Variants in CENPN observed in about 807,000 individuals in gnomAD.
The protein encoded by CENPN is centromere protein N.
A neutral mutation model predicts 48.6 loss-of-function variants in CENPN; 36 were observed. The observed-to-expected ratio is 0.74, with a 90% CI of 0.57 to 0.98. The LOEUF (loss-of-function observed/expected upper bound fraction) is 0.98. Among genes scored for constraint, CENPN ranks in the 50% least tolerant of loss-of-function variants. The pLI, the probability that CENPN is intolerant of heterozygous loss-of-function variation, is 0.00. For synonymous variants in CENPN, 166 were observed against 135.2 expected (o/e 1.23, Z -1.58); for missense variants, 439 against 399.2 (o/e 1.10, Z -0.85).
intron 6 of CENPN, 100 bp downstream of exon 6, chr16:81,020,376 G>A (rs1175764804): frequency 1.7e-6 from 2 of 1,208,142 alleles, no homozygotes; most frequent in Non-Finnish European, 2.2e-6. Context: ...GAGAATACTA[G>A]GCCAGGTGCA....
chr16:81,011,882 T>C lies in CENPN; in HGVS notation c.-10-48T>C, dbSNP rs932494315. The C allele has an allele frequency of 7.7e-6, 11 of 1,435,806 alleles. No individual in the cohort carries two copies. The African/African-American group carries it at 9.9e-5, about 13-fold the overall frequency. 88.9% of individuals were successfully genotyped at this position (1,435,806 alleles called of 1,614,324 possible). On this transcript the variant is annotated intron_variant, in intron 1 of 10. Coordinates refer to ENST00000305850, the MANE Select transcript of CENPN (RefSeq NM_001100624.3). ...GTATGTGTAAATAAAGACAGACAAG[T>C]ATTGTATTTGGTTAATACTTTGTTG...
chr16:81,010,900 C>T (rs1969714796), intron 1 of CENPN, among the ~76,000 whole-genome samples: 1 of 152,212 alleles, frequency 6.6e-6, no homozygotes, highest in Non-Finnish European at 1.5e-5. Flanking sequence ...CACTAACCTC[C>T]AACCTCTGCC....
chr16:81,015,003 A>G (rs191267622), intron 3 of CENPN, among the ~76,000 whole-genome samples: 98 of 152,368 alleles, frequency 6.4e-4, no homozygotes, highest in South Asian at 1.2e-3. Flanking sequence ...GAGCACACAT[A>G]AGGTAGGCTG....
chr16:81,017,227 C>T, intron 3 of CENPN, 99 bp from the exon 4 acceptor site: 1 of 778,308 alleles, frequency 1.3e-6, no homozygotes, highest in East Asian at 2.6e-5. Context: ...TTGTGAATTA[C>T]TGTTACTTTC....
intron 1 of CENPN, among the ~76,000 whole-genome samples, chr16:81,008,213 T>C (rs1452735599): frequency 2.0e-5 from 3 of 152,200 alleles, no homozygotes; most frequent in African/African-American, 4.8e-5. Flanking sequence ...CAAATTTCTT[T>C]AGACTGGCGT....
Position 81,028,824 on chromosome 16 carries a change from T to C in CENPN, c.*173T>C, listed in dbSNP as rs1264378683. On this transcript the variant is annotated 3_prime_UTR_variant, in exon 11 of 11. Coordinates refer to ENST00000305850, the MANE Select transcript of CENPN (RefSeq NM_001100624.3). ...GGGACTGATTCATTCCTCCACGATA[T>C]GCCTCCTCTCTCTGATATCCTGCTA... is the stretch of plus-strand genomic sequence containing the variant. 2.2e-5 allele frequency: 31 copies of C among 1,389,622 alleles called. No individual in the cohort carries two copies. Among genetic ancestry groups the C allele is most frequent in the Non-Finnish European group, 2.7e-5 (29 of 1,077,260 alleles). The allele number at this position is 1,389,622 out of a possible 1,614,324, so 86.1% of individuals were successfully genotyped here. A position where few individuals can be genotyped will look rare whatever the true frequency, so the allele number is the denominator to read the frequency against.
chr16:81,032,485 C>A, downstream of CENPN: 5 of 1,386,210 alleles, frequency 3.6e-6, no homozygotes, highest in East Asian at 2.5e-5. Context: ...CCCCTCCCCA[C>A]CAGGCACGTT....
intron 4 of CENPN, 135 bp downstream of exon 4, chr16:81,017,520 A>G (rs7197370): frequency 0.26 from 186,783 of 706,142 alleles, 27,425 homozygotes; most frequent in East Asian, 0.47. Context: ...CAAAAAAAAA[A>G]AATAGCAGTA....
intron 7 of CENPN, chr16:81,022,908 C>T (rs528209880): frequency 5.0e-6 from 8 of 1,588,822 alleles, no homozygotes; most frequent in South Asian, 2.3e-5. Context: ...TTATACCACT[C>T]ATTAGTCACT....
At chr16:81,026,911 C>T (rs1970525985) in intron 9 of CENPN, among the ~76,000 whole-genome samples, 1 of 152,142 alleles carries the variant, frequency 6.6e-6, no homozygotes, top group Non-Finnish European at 1.5e-5. Context: ...CTGCCTCAGC[C>T]TCCCGAGTAG....
At chr16:81,007,506 G>C (rs1969480260) in intron 1 of CENPN, 1 of 152,252 alleles carries the variant, frequency 6.6e-6, no homozygotes, top group Non-Finnish European at 1.5e-5. Flanking sequence ...GGGGCGGGTG[G>C]AGCCTTTCGT....
intron 7 of CENPN, chr16:81,023,328 G>T (rs56838270): frequency 0.037 from 5,914 of 160,054 alleles, 382 homozygotes; most frequent in African/African-American, 0.13. Flanking sequence ...ATTTTCATCT[G>T]TTCTAAGCAG....
At chr16:81,032,475 C>A, downstream of CENPN, 2 of 1,287,302 alleles carry the variant, frequency 1.6e-6, no homozygotes, top group Non-Finnish European at 2.1e-6. Context: ...TCTGATGCCT[C>A]CCCTCCCCAC....
At chr16:81,007,625 C>T (rs1481541193) in intron 1 of CENPN, among the ~76,000 whole-genome samples, 3 of 152,162 alleles carry the variant, frequency 2.0e-5, no homozygotes, top group Non-Finnish European at 2.9e-5. Context: ...GCTTTTCTGT[C>T]ACCTCGGCTT....
chr16:81,025,645 C>A (rs942315929), intron 8 of CENPN, among the ~76,000 whole-genome samples: 2 of 149,622 alleles, frequency 1.3e-5, no homozygotes, highest in Admixed American at 1.3e-4. Context: ...ATCACGAGCC[C>A]AAGAGATCCA....
intron 8 of CENPN, 108 bp downstream of exon 8, chr16:81,024,886 T>C: frequency 6.4e-6 from 4 of 624,954 alleles, no homozygotes; most frequent in Non-Finnish European, 1.1e-5. Flanking sequence ...AAAACTTTTA[T>C]TGTTTTCAGA....
intron 3 of CENPN, among the ~76,000 whole-genome samples, chr16:81,016,513 G>A (rs1230643151): frequency 6.6e-6 from 1 of 152,204 alleles, no homozygotes; most frequent in Non-Finnish European, 1.5e-5. Flanking sequence ...TGTAATCCCA[G>A]CACTTTGGGA....
chr16:81,032,625 G>C, downstream of CENPN: 1 of 1,613,752 alleles, frequency 6.2e-7, no homozygotes, highest in Non-Finnish European at 8.5e-7. Flanking sequence ...ACAGTCAAGG[G>C]ACCCAGGACC....
chr16:81,013,723 A>C (rs1969833076), intron 2 of CENPN, among the ~76,000 whole-genome samples: 3 of 149,316 alleles, frequency 2.0e-5, no homozygotes, highest in African/African-American at 7.3e-5. Context: ...TCTGTCTCCA[A>C]AAAAAAAAAG....
Sources: gnomAD v4.1 joint callset for allele counts (sites outside exome capture counted in the v4.1 genomes callset) on GRCh38, gnomAD v4.1.1 for gene constraint, MANE v1.5 for transcripts, NCBI Gene and HGNC (gene_info 2026-07-23, HGNC 2026-07-21) for gene names.